CDKAL1: variants seen among roughly 807,000 people sequenced by gnomAD.
CDKAL1 encodes threonylcarbamoyladenosine tRNA methylthiotransferase.
CDKAL1 carries 32 observed loss-of-function variants against 68.2 expected under a neutral mutation model. The ratio of observed to expected loss-of-function variants is 0.47; its 90% CI spans 0.35 to 0.63. CDKAL1 has a LOEUF of 0.63. CDKAL1 is among the 30% of genes least tolerant of loss of function. The pLI, the probability that CDKAL1 is intolerant of heterozygous loss-of-function variation, is 0.00. For synonymous variants in CDKAL1, 234 were observed against 244.3 expected (o/e 0.96, Z 0.39); for missense variants, 606 against 696.7 (o/e 0.87, Z 1.47).
intron 4 of CDKAL1, among the ~76,000 whole-genome samples, chr6:20,588,117 A>G (rs1360972586): frequency 6.6e-6 from 1 of 152,162 alleles, no homozygotes; most frequent in Non-Finnish European, 1.5e-5. Context: ...AAAATAAAAC[A>G]AAAACACCAC....
intron 5 of CDKAL1, among the ~76,000 whole-genome samples, chr6:20,689,941 G>T (rs1468375219): frequency 1.3e-5 from 2 of 152,120 alleles, no homozygotes; most frequent in African/African-American, 2.4e-5. Context: ...AAATTTCATT[G>T]TTTGTTAATC....
At position 20,656,878 on chromosome 6, in the gene CDKAL1, T is replaced by C. The variant is rs543992274; in HGVS notation, c.371+7501T>C. Among the ~76,000 whole-genome samples, 14 of 152,236 alleles carry C rather than the reference T, an allele frequency of 9.2e-5. No homozygotes were observed. The South Asian group carries it at 2.5e-3, about 27-fold the overall frequency. ...GATTGAAAGAAAATTTAAAAAGATA[T>C]TATATATGATTAAGTATTTTTAATG... is the stretch of plus-strand genomic sequence containing the variant. On this transcript the variant is annotated intron_variant, in intron 5 of 15. Transcript: ENST00000274695.
intron 5 of CDKAL1, among the ~76,000 whole-genome samples, chr6:20,694,054 G>A (rs1229139548): frequency 2.5e-5 from 2 of 79,122 alleles, no homozygotes; most frequent in African/African-American, 5.4e-5. Context: ...GTGTGTGTGT[G>A]TGTGTGTATG....
intron 7 of CDKAL1, among the ~76,000 whole-genome samples, chr6:20,770,163 GC>G (rs1445775740): frequency 1.3e-5 from 2 of 151,528 alleles, no homozygotes; most frequent in Admixed American, 1.3e-4. Context: ...ATAAAGATAC[GC>G]TTAATTTTTT....
intron 10 of CDKAL1, among the ~76,000 whole-genome samples, chr6:20,973,958 G>A (rs1482638954): frequency 1.3e-5 from 2 of 152,182 alleles, no homozygotes; most frequent in African/African-American, 2.4e-5. Flanking sequence ...AGAAATTATT[G>A]TTGTAGACGA....
intron 13 of CDKAL1, among the ~76,000 whole-genome samples, chr6:21,180,422 A>G (rs1777746140): frequency 6.6e-6 from 1 of 151,882 alleles, no homozygotes; most frequent in Non-Finnish European, 1.5e-5. Context: ...GTCAACTGGA[A>G]TACACCAGCA....
chr6:20,641,857 G>A (rs905344100), intron 4 of CDKAL1, among the ~76,000 whole-genome samples: 2 of 152,018 alleles, frequency 1.3e-5, no homozygotes, highest in African/African-American at 4.8e-5. Flanking sequence ...CATGTGTATG[G>A]GTATGTGATG....
intron 5 of CDKAL1, among the ~76,000 whole-genome samples, chr6:20,707,934 C>T (rs1348909555): frequency 6.6e-6 from 1 of 152,188 alleles, no homozygotes; most frequent in East Asian, 1.9e-4. Context: ...GGATTCCCCA[C>T]AGTGGCATTA....
intron 11 of CDKAL1, among the ~76,000 whole-genome samples, chr6:21,009,439 A>T (rs866752446): frequency 2.6e-5 from 4 of 152,120 alleles, no homozygotes; most frequent in Non-Finnish European, 5.9e-5. Context: ...GGGTGAGGGG[A>T]TCAATAAAGA....
At chr6:20,596,077 C>G (rs1020478426) in intron 4 of CDKAL1, among the ~76,000 whole-genome samples, 1 of 152,216 alleles carries the variant, frequency 6.6e-6, no homozygotes. Context: ...CCGGAGCTCT[C>G]CTGTATGAGG....
At chr6:20,857,035 C>A (rs140403413) in intron 9 of CDKAL1, among the ~76,000 whole-genome samples, 2 of 152,046 alleles carry the variant, frequency 1.3e-5, no homozygotes, top group African/African-American at 4.8e-5. Context: ...TCAGGTAAGG[C>A]GAGCAAAATT....
At chr6:20,977,118 A>G (rs1765881377) in intron 10 of CDKAL1, among the ~76,000 whole-genome samples, 1 of 152,204 alleles carries the variant, frequency 6.6e-6, no homozygotes, top group African/African-American at 2.4e-5. Context: ...TTGGATAGGA[A>G]GTAGTAAAGA....
chr6:20,709,855 C>G (rs1177518561), intron 5 of CDKAL1, among the ~76,000 whole-genome samples: 1 of 152,122 alleles, frequency 6.6e-6, no homozygotes, highest in Non-Finnish European at 1.5e-5. Flanking sequence ...GCTGGCATTT[C>G]TTTCCTTGAA....
chr6:21,039,252 CCT>C (rs746138881), intron 11 of CDKAL1, among the ~76,000 whole-genome samples: 3 of 152,150 alleles, frequency 2.0e-5, no homozygotes, highest in Non-Finnish European at 4.4e-5. Context: ...GAATCTAACA[CCT>C]GATGATCTGA....
intron 4 of CDKAL1, among the ~76,000 whole-genome samples, chr6:20,633,603 T>C (rs1310213208): frequency 6.6e-6 from 1 of 152,200 alleles, no homozygotes; most frequent in Non-Finnish European, 1.5e-5. Context: ...ATTTGAGGAA[T>C]TGCCAGATTA....
chr6:21,114,000 G>T (rs1198797232), intron 13 of CDKAL1, among the ~76,000 whole-genome samples: 4 of 151,596 alleles, frequency 2.6e-5, no homozygotes, highest in Non-Finnish European at 5.9e-5. Context: ...TGTAATCCCA[G>T]CACTTTGAGA....
chr6:20,859,401 C>A (rs1385390983), intron 9 of CDKAL1, among the ~76,000 whole-genome samples: 1 of 152,152 alleles, frequency 6.6e-6, no homozygotes, highest in African/African-American at 2.4e-5. Context: ...ATGGTCTTAA[C>A]TACAAATCTA....
At chr6:20,764,471 G>T (rs553422285) in intron 7 of CDKAL1, among the ~76,000 whole-genome samples, 1 of 152,142 alleles carries the variant, frequency 6.6e-6, no homozygotes, top group Non-Finnish European at 1.5e-5. Context: ...GCACTAGACT[G>T]ACCTAAATTC....
chr6:20,674,848 T>C (rs542016177), intron 5 of CDKAL1, among the ~76,000 whole-genome samples: 1 of 152,340 alleles, frequency 6.6e-6, no homozygotes, highest in East Asian at 1.9e-4. Context: ...ATTATTTCAC[T>C]TAACATAATG....
Sources: allele counts gnomAD v4.1 joint callset (sites outside exome capture counted in the v4.1 genomes callset), GRCh38; gene constraint gnomAD v4.1.1; transcripts MANE v1.5; gene names NCBI Gene and HGNC (gene_info 2026-07-23, HGNC 2026-07-21).